The following ACACA variants were observed in gnomAD, a reference collection of about 807,000 sequenced individuals.
ACACA encodes acetyl-CoA carboxylase alpha, also known as acetyl-CoA carboxylase 1.
ACACA carries 103 observed loss-of-function variants against 296.1 expected under a neutral mutation model. The observed-to-expected ratio is 0.35, with a 90% CI of 0.30 to 0.41. ACACA has a LOEUF of 0.41. ACACA is among the 10% of genes least tolerant of loss of function. The pLI is 1.00. For synonymous variants in ACACA, 953 were observed against 1,038.6 expected, an observed-to-expected ratio of 0.92 and a Z score of 1.58; for missense variants, 1,554 against 2,989.7, an observed-to-expected ratio of 0.52 and a Z score of 11.20.
chr17:37,323,275 TG>T (rs1288411118), intron 3 of ACACA, among the ~76,000 whole-genome samples: 4 of 152,220 alleles, frequency 2.6e-5, no homozygotes, highest in Non-Finnish European at 2.9e-5. Flanking sequence ...GCAAGGGAGA[TG>T]AGGGAACTCT....
intron 4 of ACACA, among the ~76,000 whole-genome samples, chr17:37,284,596 T>C (rs746031933): frequency 9.2e-5 from 14 of 152,216 alleles, no homozygotes; most frequent in Non-Finnish European, 1.8e-4. Flanking sequence ...AATAACTTTA[T>C]GAGCACTATT....
chr17:37,242,984 G>A (rs761904498), intron 22 of ACACA, among the ~76,000 whole-genome samples: 4 of 151,552 alleles, frequency 2.6e-5, no homozygotes, highest in Admixed American at 6.6e-5. Context: ...GCAGTGAGCC[G>A]AGATCAGCCA....
chr17:37,140,128 A>C (rs2075503432), intron 45 of ACACA, among the ~76,000 whole-genome samples: 1 of 152,216 alleles, frequency 6.6e-6, no homozygotes, highest in Non-Finnish European at 1.5e-5. Context: ...AATTGGGTGA[A>C]TATTTAGCAA....
intron 1 of ACACA, among the ~76,000 whole-genome samples, chr17:37,361,005 T>C (rs2049382941): frequency 6.6e-6 from 1 of 151,704 alleles, no homozygotes; most frequent in Non-Finnish European, 1.5e-5. Context: ...CTTTCCTAGA[T>C]CCTCTTAAGT....
At chr17:37,202,898 G>GA (rs1253434239) in intron 33 of ACACA, among the ~76,000 whole-genome samples, 1 of 150,696 alleles carries the variant, frequency 6.6e-6, no homozygotes, top group Admixed American at 6.6e-5. Context: ...CCTAGTCAAG[G>GA]AAAAGGGTAA....
intron 3 of ACACA, among the ~76,000 whole-genome samples, chr17:37,294,542 G>A (rs1054625202): frequency 3.9e-5 from 6 of 152,144 alleles, no homozygotes; most frequent in African/African-American, 1.4e-4. Context: ...CAAGCTTGGG[G>A]GGTTTTCCTT....
intron 21 of ACACA, 88 bp downstream of exon 21, chr17:37,244,500 T>A: frequency 3.3e-6 from 5 of 1,532,778 alleles, no homozygotes; most frequent in Non-Finnish European, 4.5e-6. Flanking sequence ...TTTTCCTCCC[T>A]CTTAAACAAT....
chr17:37,100,619 A>C lies in ACACA; in HGVS notation c.6566-2635T>G, dbSNP rs186717486. Among the ~76,000 whole-genome samples, 1,260 of 149,190 alleles carry C rather than the reference A, an allele frequency of 8.4e-3. 14 individuals are homozygous for C. Among genetic ancestry groups the C allele is most frequent in the African/African-American group, 0.03 (1,205 of 40,128 alleles). Reference sequence around the variant, plus strand: ...ATGTATGCTCATTAGATCAGATCTCAGACCGCCCCTCAAAAAAAAAAAAAA... The same window carrying C: ...ATGTATGCTCATTAGATCAGATCTCCGACCGCCCCTCAAAAAAAAAAAAAA... On this transcript the variant is annotated intron_variant, in intron 52 of 55. Coordinates refer to ENST00000616317, the MANE Select transcript of ACACA (RefSeq NM_198834.3).
chr17:37,347,630 C>A (rs765169266), intron 1 of ACACA, among the ~76,000 whole-genome samples: 1 of 151,642 alleles, frequency 6.6e-6, no homozygotes, highest in African/African-American at 2.4e-5. Flanking sequence ...AGGCCAGGTG[C>A]GGCGGCTCGC....
chr17:37,217,601 G>A (rs1472951201), intron 29 of ACACA, among the ~76,000 whole-genome samples: 1 of 151,684 alleles, frequency 6.6e-6, no homozygotes, highest in African/African-American at 2.4e-5. Context: ...CGGGCATCAT[G>A]GCAGGCACCT....
chr17:37,258,109 C>A, intron 13 of ACACA, 103 bp downstream of exon 13: 1 of 1,409,724 alleles, frequency 7.1e-7, no homozygotes, highest in Non-Finnish European at 9.9e-7. Flanking sequence ...ATGTTTCCCA[C>A]TCCAGAGGAA....
intron 16 of ACACA, among the ~76,000 whole-genome samples, chr17:37,251,153 C>T (rs1184154074): frequency 6.6e-6 from 1 of 152,114 alleles, no homozygotes; most frequent in Admixed American, 6.5e-5. Flanking sequence ...AACTATTTAA[C>T]TAGGTTACAG....
intron 3 of ACACA, among the ~76,000 whole-genome samples, chr17:37,300,909 C>T (rs1270658468): frequency 6.6e-6 from 1 of 152,178 alleles, no homozygotes; most frequent in Non-Finnish European, 1.5e-5. Flanking sequence ...TCTATCTTTA[C>T]GTCTCTTCAG....
At chr17:37,108,032 AG>A (rs2073784279) in intron 52 of ACACA, among the ~76,000 whole-genome samples, 1 of 152,196 alleles carries the variant, frequency 6.6e-6, no homozygotes, top group African/African-American at 2.4e-5. Context: ...AATTTCCTTA[AG>A]GCAACCAAAT....
chr17:37,236,584 G>T (rs1158106209), intron 24 of ACACA, among the ~76,000 whole-genome samples: 1 of 151,958 alleles, frequency 6.6e-6, no homozygotes, highest in Non-Finnish European at 1.5e-5. Flanking sequence ...CAGCACTTTG[G>T]GCAGCCAAGG....
At chr17:37,271,600 A>T (rs1014297880) in intron 9 of ACACA, among the ~76,000 whole-genome samples, 7 of 152,106 alleles carry the variant, frequency 4.6e-5, no homozygotes, top group Non-Finnish European at 1.0e-4. Context: ...CATTATTGGA[A>T]TTTCTTGCTT....
chr17:37,399,348 T>C (rs1456229554), intron 1 of ACACA, among the ~76,000 whole-genome samples: 1 of 152,112 alleles, frequency 6.6e-6, no homozygotes, highest in Admixed American at 6.6e-5. Flanking sequence ...AAGTCCATGC[T>C]TGCTTTTTCA....
At chr17:37,291,761 A>G (rs1010499434) in intron 3 of ACACA, among the ~76,000 whole-genome samples, 4 of 152,210 alleles carry the variant, frequency 2.6e-5, no homozygotes, top group African/African-American at 9.6e-5. Context: ...AAGAACTGAA[A>G]GAACACCTGA....
intron 1 of ACACA, among the ~76,000 whole-genome samples, chr17:37,385,598 A>T (rs1489273433): frequency 6.6e-6 from 1 of 152,100 alleles, no homozygotes; most frequent in Non-Finnish European, 1.5e-5. Flanking sequence ...ATTCTACTAG[A>T]CACACTTGCA....
Sources: allele counts gnomAD v4.1 joint callset (sites outside exome capture counted in the v4.1 genomes callset), GRCh38; gene constraint gnomAD v4.1.1; transcripts MANE v1.5; gene names NCBI Gene and HGNC (gene_info 2026-07-23, HGNC 2026-07-21).